The following TNRC6B variants were observed in gnomAD, a reference collection of about 807,000 sequenced individuals.
The protein encoded by TNRC6B is trinucleotide repeat-containing gene 6B protein.
In TNRC6B, 52 loss-of-function variants were observed where a neutral mutation model predicts 203.6. The ratio of observed to expected loss-of-function variants is 0.26; its 90% CI spans 0.20 to 0.32. The LOEUF (loss-of-function observed/expected upper bound fraction) is 0.32, where lower values mean the gene tolerates loss of function less well. Among genes scored for constraint, TNRC6B ranks in the 10% least tolerant of loss-of-function variants. The pLI is 1.00. For synonymous variants in TNRC6B, 838 were observed against 845.7 expected (o/e 0.99, Z 0.16); for missense variants, 1,923 against 2,286.2 (o/e 0.84, Z 3.24).
At chr22:40,188,208 C>CA (rs1000043290) in intron 1 of TNRC6B, among the ~76,000 whole-genome samples, 18 of 149,934 alleles carry the variant, frequency 1.2e-4, no homozygotes, top group Non-Finnish European at 1.8e-4. Context: ...CACTGTGTCT[C>CA]AAAAAAAAAT....
chr22:40,239,621 A>G (rs1433531672), intron 1 of TNRC6B, among the ~76,000 whole-genome samples: 2 of 152,136 alleles, frequency 1.3e-5, no homozygotes, highest in Non-Finnish European at 2.9e-5. Flanking sequence ...CTAGAACTGT[A>G]CTATGAATGG....
chr22:40,287,246 C>A (rs2070798452), intron 12 of TNRC6B, among the ~76,000 whole-genome samples: 1 of 152,142 alleles, frequency 6.6e-6, no homozygotes, highest in Non-Finnish European at 1.5e-5. Flanking sequence ...TTGACTCCAG[C>A]AGTCCTTCCA....
chr22:40,154,874 T>TATATATATATATATAC (rs2068804210), intron 3 of TNRC6B, among the ~76,000 whole-genome samples: 2 of 53,226 alleles, frequency 3.8e-5, no homozygotes, highest in Non-Finnish European at 6.4e-5. Flanking sequence ...TATATATATA[T>TATATATATATATATAC]ATATATATAT....
chr22:40,111,269 C>T (rs2068331777), intron 1 of TNRC6B, among the ~76,000 whole-genome samples: 1 of 152,138 alleles, frequency 6.6e-6, no homozygotes, highest in African/African-American at 2.4e-5. Flanking sequence ...GCTTTGGAGG[C>T]GAAGGCAGTG....
At chr22:40,189,739 G>T (rs2069248467) in intron 1 of TNRC6B, among the ~76,000 whole-genome samples, 1 of 152,100 alleles carries the variant, frequency 6.6e-6, no homozygotes, top group Admixed American at 6.5e-5. Context: ...AACTGGAATT[G>T]AGTGTTTCCC....
chr22:40,167,428 G>A (rs973341960), intron 4 of TNRC6B, among the ~76,000 whole-genome samples: 2 of 152,096 alleles, frequency 1.3e-5, no homozygotes, highest in African/African-American at 4.8e-5. Flanking sequence ...GCTGAGGAAA[G>A]GGGAAAAGAA....
At chr22:40,191,006 G>A (rs1218693064) in intron 1 of TNRC6B, among the ~76,000 whole-genome samples, 1 of 152,222 alleles carries the variant, frequency 6.6e-6, no homozygotes, top group African/African-American at 2.4e-5. Flanking sequence ...CAAACAGACA[G>A]ACACACAATG....
intron 21 of TNRC6B, among the ~76,000 whole-genome samples, chr22:40,317,052 T>A (rs1225805680): frequency 6.6e-6 from 1 of 152,198 alleles, no homozygotes; most frequent in African/African-American, 2.4e-5. Flanking sequence ...ACCCAAAAGC[T>A]ACCTGTTTCT....
At chr22:40,206,774 G>C (rs566402477) in intron 1 of TNRC6B, among the ~76,000 whole-genome samples, 6 of 152,136 alleles carry the variant, frequency 3.9e-5, no homozygotes, top group Non-Finnish European at 5.9e-5. Context: ...ATCTTGCTCT[G>C]TGGCGGAACT....
chr22:40,143,791 C>G (rs569832477), intron 3 of TNRC6B, among the ~76,000 whole-genome samples: 20 of 152,308 alleles, frequency 1.3e-4, no homozygotes, highest in African/African-American at 4.6e-4. Context: ...CCACTGTGCC[C>G]GGCCTGGAAT....
At chr22:40,207,461 G>A (rs1274372923) in intron 1 of TNRC6B, among the ~76,000 whole-genome samples, 7 of 140,844 alleles carry the variant, frequency 5.0e-5, no homozygotes, top group Middle Eastern at 3.8e-3. Flanking sequence ...TAAAATAAAC[G>A]TAACAAGAAT....
intron 1 of TNRC6B, among the ~76,000 whole-genome samples, chr22:40,059,833 T>A (rs866614646): frequency 6.8e-6 from 1 of 148,078 alleles, no homozygotes; most frequent in Non-Finnish European, 1.5e-5. Flanking sequence ...TTTTTTTTTT[T>A]TTCCCCCCGA....
intron 1 of TNRC6B, among the ~76,000 whole-genome samples, chr22:40,087,379 A>T (rs1775798078): frequency 6.6e-6 from 1 of 152,178 alleles, no homozygotes; most frequent in Admixed American, 6.5e-5. Context: ...CTTTTCATTA[A>T]TTCAGTTATT....
chr22:40,270,800 A>G (rs1413399461), intron 6 of TNRC6B, among the ~76,000 whole-genome samples: 1 of 152,242 alleles, frequency 6.6e-6, no homozygotes, highest in Non-Finnish European at 1.5e-5. Context: ...TGAATTAAAA[A>G]TCATAAGTTA....
intron 1 of TNRC6B, among the ~76,000 whole-genome samples, chr22:40,065,101 C>T (rs2067884787): frequency 1.6e-5 from 2 of 122,352 alleles, no homozygotes; most frequent in Admixed American, 9.2e-5. Flanking sequence ...GTGTTCCCTT[C>T]GTTTTTGGAG....
rs1254026942 is a variant in TNRC6B at position 40,299,240 on chromosome 22, CT to C, written c.3709-1199del. On this transcript the variant is annotated intron_variant, in intron 12 of 22. Transcript: ENST00000454349. ...GGCAGTCTGCCTCTAGAACTAAAGT[CT>C]TTTTTTTTTTTTTTTGAGATGGAAT... Among the ~76,000 whole-genome samples, 420 of 134,860 alleles carry C rather than the reference CT, an allele frequency of 3.1e-3. 2 individuals carry two copies. The highest frequency in any genetic ancestry group is 0.024 in the South Asian group (100 of 4,138). 88.5% of individuals were successfully genotyped at this position (134,860 alleles called of 152,430 possible).
chr22:40,304,187 AAT>A (rs1421110051), intron 15 of TNRC6B, among the ~76,000 whole-genome samples: 1 of 152,238 alleles, frequency 6.6e-6, no homozygotes, highest in African/African-American at 2.4e-5. Context: ...AAAGTTTCTT[AAT>A]ATGTCTTGAT....
At chr22:40,112,741 T>C (rs1001078255) in intron 1 of TNRC6B, among the ~76,000 whole-genome samples, 6 of 152,186 alleles carry the variant, frequency 3.9e-5, no homozygotes, top group African/African-American at 1.4e-4. Context: ...CTGAGATTGA[T>C]AGGGACAGAA....
rs1174378562 is a variant in TNRC6B at position 40,154,886 on chromosome 22, T to C, written c.46-1229T>C. Reference sequence around the variant, plus strand: ...ATATATATATATATATATATATATATATATATATACATATATATATATATT... The same window carrying C: ...ATATATATATATATATATATATATACATATATATACATATATATATATATT... On this transcript the variant is annotated intron_variant, in intron 3 of 23. Transcript: ENST00000301923. Among the ~76,000 whole-genome samples the C allele has an allele frequency of 4.0e-4, 20 of 49,640 alleles. 1 individual carries two copies. The highest frequency in any genetic ancestry group is 1.3e-3 in the African/African-American group (11 of 8,258). The allele number at this position is 49,640 out of a possible 152,430, so 32.6% of individuals were successfully genotyped here. A position where few individuals can be genotyped will look rare whatever the true frequency, so the allele number is the denominator to read the frequency against.
Sources: allele counts gnomAD v4.1 joint callset (sites outside exome capture counted in the v4.1 genomes callset), GRCh38; gene constraint gnomAD v4.1.1; transcripts MANE v1.5; gene names NCBI Gene and HGNC (gene_info 2026-07-23, HGNC 2026-07-21).